LRP2: variants seen among roughly 807,000 people sequenced by gnomAD.
LRP2 encodes the protein low-density lipoprotein receptor-related protein 2.
A neutral mutation model predicts 531.0 loss-of-function variants in LRP2; 172 were observed. That is an observed-to-expected ratio of 0.32 (90% confidence interval 0.29 to 0.37). The LOEUF is 0.37. Ranked by LOEUF, LRP2 falls within the 10% of genes least tolerant of loss-of-function variation. The pLI is 1.00. For missense variants in LRP2, 5,167 were observed against 5,868.3 expected (o/e 0.88, Z 3.90); for synonymous variants, 1,992 against 2,027.6 (o/e 0.98, Z 0.47).
At chr2:169,219,684 T>C (rs946968591) in intron 34 of LRP2, among the ~76,000 whole-genome samples, 6 of 152,096 alleles carry the variant, frequency 3.9e-5, no homozygotes, top group African/African-American at 1.2e-4. Context: ...TGTGGACTAC[T>C]AGAGAGGGGA....
At chr2:169,318,582 T>C (rs953541895) in intron 3 of LRP2, among the ~76,000 whole-genome samples, 180 bp downstream of exon 3, 1 of 152,260 alleles carries the variant, frequency 6.6e-6, no homozygotes, top group Admixed American at 6.5e-5. Context: ...AATTCTTCAG[T>C]ACATCCGTAC....
chr2:169,174,113 A>G lies in LRP2; in HGVS notation c.10820T>C (p.Ile3607Thr), dbSNP rs1352147102. 2 of 1,614,112 alleles carry G rather than the reference A, an allele frequency of 1.2e-6. No individual in the cohort carries two copies. The highest frequency in any genetic ancestry group is 1.7e-5 in the Admixed American group (1 of 60,012). The change falls in exon 56 of 79, where the codon ATC becomes ACC. Residue 3607 changes from isoleucine to threonine, a missense_variant. Physicochemically the swap from Ile to Thr is moderately conservative, Grantham distance 89. Around this residue, in one of 6 missense-constraint regions of LRP2, gnomAD observed 311 missense variants for 309.4 expected, o/e 1.01. Coordinates refer to ENST00000649046, the MANE Select transcript of LRP2 (RefSeq NM_004525.3). ...NEWQCANKRC[I>T]PESWQCDTFN... ...TGTGTCACACTGCCAGGATTCTGGG[A>G]TGCAACGTTTGTTGGCGCACTGCCA...
intron 41 of LRP2, among the ~76,000 whole-genome samples, chr2:169,205,269 T>C (rs1688336574): frequency 6.6e-6 from 1 of 152,170 alleles, no homozygotes. Flanking sequence ...TGTCTTTTAG[T>C]TCATAATTAT....
chr2:169,355,520 A>G (rs1239544922), intron 1 of LRP2, among the ~76,000 whole-genome samples: 1 of 152,228 alleles, frequency 6.6e-6, no homozygotes, highest in African/African-American at 2.4e-5. Context: ...CCATGGGAAC[A>G]CATCATGACC....
intron 19 of LRP2, among the ~76,000 whole-genome samples, chr2:169,247,824 C>T (rs193213688): frequency 9.3e-4 from 142 of 152,226 alleles, no homozygotes; most frequent in Middle Eastern, 6.8e-3. Context: ...TTGGGGAATT[C>T]TTCTACAGAG....
chr2:169,148,140 G>A (rs1055744354), intron 68 of LRP2, among the ~76,000 whole-genome samples: 1 of 152,222 alleles, frequency 6.6e-6, no homozygotes, highest in Non-Finnish European at 1.5e-5. Flanking sequence ...GGCCTTTAAA[G>A]TCTCAACAAC....
chr2:169,214,513 T>C (rs893343504), intron 35 of LRP2, among the ~76,000 whole-genome samples: 2 of 152,162 alleles, frequency 1.3e-5, no homozygotes, highest in Non-Finnish European at 2.9e-5. Flanking sequence ...GCCTGCTCTG[T>C]GCCAGGATCT....
chr2:169,162,439 T>C (rs371633356), intron 63 of LRP2, 33 bp downstream of exon 63: 4 of 1,612,960 alleles, frequency 2.5e-6, no homozygotes, highest in Non-Finnish European at 3.4e-6. Flanking sequence ...CCTGAGTTAC[T>C]ACAATGAACT....
At chr2:169,160,226 G>A (rs1046505187) in intron 63 of LRP2, among the ~76,000 whole-genome samples, 15 of 152,060 alleles carry the variant, frequency 9.9e-5, no homozygotes, top group Admixed American at 2.6e-4. Context: ...AAATGCTAAT[G>A]TATTTTCATT....
At chr2:169,349,461 T>C (rs1192094217) in intron 1 of LRP2, among the ~76,000 whole-genome samples, 1 of 152,134 alleles carries the variant, frequency 6.6e-6, no homozygotes, top group East Asian at 1.9e-4. Context: ...AGGGAGGTGA[T>C]GTGAAGGCCA....
intron 62 of LRP2, among the ~76,000 whole-genome samples, chr2:169,164,726 T>C (rs1686720498): frequency 1.3e-5 from 2 of 152,202 alleles, no homozygotes; most frequent in African/African-American, 2.4e-5. Context: ...GCCATTGAAA[T>C]GTTGCAGGTT....
chr2:169,213,616 C>T (rs373887120), intron 36 of LRP2, 41 bp downstream of exon 36: 86 of 1,451,148 alleles, frequency 5.9e-5, no homozygotes, highest in Non-Finnish European at 7.8e-5. Context: ...TGTGAATATG[C>T]ATTATACACC....
At position 169,137,407 on chromosome 2, in the gene LRP2, C is replaced by T. The variant is rs748158158; in HGVS notation, c.13605G>A (p.Val4535=). The T allele has an allele frequency of 3.7e-6, 6 of 1,613,356 alleles. No individual in the cohort carries two copies. The South Asian group carries it at 5.5e-5, about 15-fold the overall frequency. ...MYSARDSAVK[V]VQPIQVTVSE... is the part of the protein sequence containing the mutation. ...GGTTTCTCACCTGGATTGGCTGAAC[C>T]ACTTTGACAGCACTGTCTCTGGCTG... Residue 4535 remains valine, a synonymous_variant, in exon 76 of 79, where the codon GTG becomes GTA. Transcript: ENST00000649046.
chr2:169,322,232 C>T (rs1052795233), intron 1 of LRP2, among the ~76,000 whole-genome samples: 1 of 152,156 alleles, frequency 6.6e-6, no homozygotes. Context: ...TGTGTAAATG[C>T]AGGCATATCA....
chr2:169,175,411 C>T, intron 54 of LRP2, 22 bp from the exon 55 acceptor site: 1 of 1,611,472 alleles, frequency 6.2e-7, no homozygotes, highest in Non-Finnish European at 8.5e-7. Context: ...ACATACAGCA[C>T]TTCTTTAGCA....
At chr2:169,359,133 T>A (rs1174612625) in intron 1 of LRP2, among the ~76,000 whole-genome samples, 1 of 152,178 alleles carries the variant, frequency 6.6e-6, no homozygotes, top group Non-Finnish European at 1.5e-5. Flanking sequence ...CTATATGCTT[T>A]ACACCATGCT....
intron 5 of LRP2, 134 bp from the exon 6 acceptor site, chr2:169,294,395 G>C: frequency 2.6e-6 from 2 of 765,382 alleles, no homozygotes; most frequent in South Asian, 2.9e-5. Context: ...AACTGTTTAA[G>C]AACCAGTTAT....
At chr2:169,330,587 C>T (rs764383777) in intron 1 of LRP2, among the ~76,000 whole-genome samples, 1 of 152,196 alleles carries the variant, frequency 6.6e-6, no homozygotes, top group Non-Finnish European at 1.5e-5. Flanking sequence ...AGAGGTTCTT[C>T]AGAGGACGCT....
chr2:169,221,509 G>A (rs1191118768), intron 33 of LRP2, among the ~76,000 whole-genome samples: 1 of 152,182 alleles, frequency 6.6e-6, no homozygotes, highest in Non-Finnish European at 1.5e-5. Context: ...TTACAGCAAT[G>A]AAGCTATTTT....
Sources: allele counts gnomAD v4.1 joint callset (sites outside exome capture counted in the v4.1 genomes callset), GRCh38; gene constraint gnomAD v4.1.1; regional missense constraint gnomAD v4.1.1; transcripts MANE v1.5; gene names NCBI Gene and HGNC (gene_info 2026-07-23, HGNC 2026-07-21).